MSR1: variants seen among roughly 807,000 people sequenced by gnomAD.
The protein encoded by MSR1 is macrophage scavenger receptor 1.
MSR1 carries 53 observed loss-of-function variants against 47.2 expected under a neutral mutation model. That is an observed-to-expected ratio of 1.12 (90% CI 0.90 to 1.41). The LOEUF is 1.41. Among genes scored for constraint, MSR1 ranks in the 40% most tolerant of loss-of-function variants. The pLI, the probability that MSR1 is intolerant of heterozygous loss-of-function variation, is 0.00. For synonymous variants in MSR1, 239 were observed against 185.6 expected, an observed-to-expected ratio of 1.29 and a Z score of -2.34; for missense variants, 786 against 546.9, an observed-to-expected ratio of 1.44 and a Z score of -4.36.
chr8:16,174,560 C>T (rs1363683133), intron 3 of MSR1, among the ~76,000 whole-genome samples: 1 of 152,076 alleles, frequency 6.6e-6, no homozygotes, highest in African/African-American at 2.4e-5. Context: ...TCATTTTGAG[C>T]CCAAGTATCA....
At chr8:16,120,838 T>C in intron 8 of MSR1, 1 of 565,074 alleles carries the variant, frequency 1.8e-6, no homozygotes, top group Non-Finnish European at 3.1e-6. Context: ...CAATCTGTCT[T>C]ACATGTAAGT....
rs940809124 is a variant in MSR1, at chr8:16,140,756, T to C, written c.1033+2802A>G. On this transcript the variant is annotated intron_variant, in intron 8 of 9. Transcript: ENST00000262101. Reference sequence around the variant, plus strand: ...TGAGAGGTGTCCAGGCTGGGGGTGATAGGGGAGAGAGGTGATGGTGGAGTA... The same window carrying C: ...TGAGAGGTGTCCAGGCTGGGGGTGACAGGGGAGAGAGGTGATGGTGGAGTA... 4.2e-5 allele frequency: 60 copies of C among 1,421,328 alleles called. No homozygotes were observed. In the African/African-American group the frequency reaches 5.9e-4, roughly 14 times the overall value. 88.0% of individuals were successfully genotyped at this position (1,421,328 alleles called of 1,614,324 possible).
At chr8:16,171,346 T>C (rs954977793) in intron 3 of MSR1, among the ~76,000 whole-genome samples, 1 of 151,930 alleles carries the variant, frequency 6.6e-6, no homozygotes, top group African/African-American at 2.4e-5. Context: ...AAATACATGA[T>C]ACCATATTTT....
At chr8:16,171,755 C>A (rs1389249250) in intron 3 of MSR1, among the ~76,000 whole-genome samples, 1 of 152,068 alleles carries the variant, frequency 6.6e-6, no homozygotes, top group African/African-American at 2.4e-5. Flanking sequence ...ATTATTATTT[C>A]TTTTGAAGTA....
At chr8:16,145,856 T>C (rs182001555) in intron 7 of MSR1, among the ~76,000 whole-genome samples, 47 of 152,278 alleles carry the variant, frequency 3.1e-4, no homozygotes, top group Admixed American at 1.4e-3. Flanking sequence ...TTCAGAATGA[T>C]ACCTTTGGTT....
At chr8:16,140,078 T>C (rs1400110045) in intron 8 of MSR1, 3 of 616,508 alleles carry the variant, frequency 4.9e-6, no homozygotes, top group Non-Finnish European at 5.7e-6. Flanking sequence ...ATAATGGACA[T>C]GTGAATTAAT....
At chr8:16,120,370 C>G (rs370819988) in intron 9 of MSR1, 48 bp downstream of exon 9, 76 of 1,599,568 alleles carry the variant, frequency 4.8e-5, no homozygotes, top group Non-Finnish European at 6.0e-5. Context: ...GAATGAGACT[C>G]TGTCTGAAAC....
At chr8:16,132,904 G>C (rs1441456804) in intron 8 of MSR1, among the ~76,000 whole-genome samples, 1 of 152,118 alleles carries the variant, frequency 6.6e-6, no homozygotes, top group Non-Finnish European at 1.5e-5. Flanking sequence ...GTCGCTGTGG[G>C]TTTTTCAAAG....
intron 8 of MSR1, among the ~76,000 whole-genome samples, chr8:16,127,533 T>C (rs908731584): frequency 6.6e-6 from 1 of 152,128 alleles, no homozygotes; most frequent in Non-Finnish European, 1.5e-5. Flanking sequence ...GTATATCTTA[T>C]CTCTACACAC....
At chr8:16,179,839 T>G (rs1801772500) in intron 1 of MSR1, among the ~76,000 whole-genome samples, 1 of 128,426 alleles carries the variant, frequency 7.8e-6, no homozygotes. Flanking sequence ...ATTGCACCGC[T>G]GAACTCTAGC....
Position 16,148,881 on chromosome 8 carries a change from A to T in MSR1, c.979+1350T>A, listed in dbSNP as rs79042234. 2.0e-5 allele frequency among the ~76,000 whole-genome samples: 3 copies of T among 152,282 alleles called. No homozygotes were observed. In the South Asian group the frequency reaches 6.2e-4, roughly 32 times the overall value. On this transcript the variant is annotated intron_variant, in intron 7 of 9. Coordinates refer to ENST00000262101, the MANE Select transcript of MSR1 (RefSeq NM_138715.3). ...AAATGAGCAATCAGACCATGGAAAGATATAGAGAAACCTTACATTCATATT... is the reference window on the plus strand; with the variant it reads ...AAATGAGCAATCAGACCATGGAAAGTTATAGAGAAACCTTACATTCATATT...
intron 3 of MSR1, among the ~76,000 whole-genome samples, chr8:16,169,133 G>A (rs1801409334): frequency 1.3e-5 from 2 of 152,010 alleles, no homozygotes; most frequent in Non-Finnish European, 2.9e-5. Context: ...CTGCTTATAT[G>A]AATCTTCTTG....
At chr8:16,164,042 GGA>G in intron 5 of MSR1, 21 bp downstream of exon 5, 1 of 1,565,172 alleles carries the variant, frequency 6.4e-7, no homozygotes, top group Non-Finnish European at 8.8e-7. Context: ...ATCATTTTCT[GGA>G]GAAATGACAA....
intron 1 of MSR1, among the ~76,000 whole-genome samples, chr8:16,184,548 C>T (rs565590357): frequency 8.8e-4 from 134 of 152,250 alleles, no homozygotes; most frequent in African/African-American, 3.1e-3. Flanking sequence ...TAGCATCCGA[C>T]TCATCAATTT....
intron 7 of MSR1, among the ~76,000 whole-genome samples, chr8:16,149,970 G>A (rs1387432939): frequency 2.6e-5 from 4 of 151,260 alleles, no homozygotes; most frequent in Middle Eastern, 3.4e-3. Flanking sequence ...GACTTTCCTC[G>A]GGTGAACAGA....
intron 7 of MSR1, among the ~76,000 whole-genome samples, chr8:16,144,408 C>T (rs1319525463): frequency 1.3e-5 from 2 of 152,082 alleles, no homozygotes. Flanking sequence ...ACTACCTTGA[C>T]ATAAATCTAG....
At chr8:16,175,376 A>C (rs1801616435) in intron 2 of MSR1, 76 bp from the exon 3 acceptor site, 2 of 1,174,490 alleles carry the variant, frequency 1.7e-6, no homozygotes, top group Admixed American at 3.7e-5. Context: ...TTTAATCTCC[A>C]ATTATATTCT....
intron 6 of MSR1, 127 bp downstream of exon 6, chr8:16,154,935 TAC>T (rs34025026): frequency 0.02 from 12,040 of 606,516 alleles, no homozygotes; most frequent in Non-Finnish European, 0.022. Context: ...TGTGCGTGCA[TAC>T]ACACACACAC....
intron 3 of MSR1, among the ~76,000 whole-genome samples, chr8:16,174,245 G>A (rs10095510): frequency 2.0e-5 from 3 of 151,540 alleles, no homozygotes; most frequent in East Asian, 3.9e-4. Context: ...CTGGTCTTTA[G>A]GAACTTTTTT....
Sources: gnomAD v4.1 joint callset for allele counts (sites outside exome capture counted in the v4.1 genomes callset) on GRCh38, gnomAD v4.1.1 for gene constraint, MANE v1.5 for transcripts, NCBI Gene and HGNC (gene_info 2026-07-23, HGNC 2026-07-21) for gene names.